EDNRB: variants seen among roughly 807,000 people sequenced by gnomAD.
EDNRB encodes Hirschsprung disease 2.
In EDNRB, 18 loss-of-function variants were observed where a neutral mutation model predicts 46.4. That is an observed-to-expected ratio of 0.39 (90% CI 0.27 to 0.57). The LOEUF (loss-of-function observed/expected upper bound fraction) is 0.57. Among genes scored for constraint, EDNRB ranks in the 20% least tolerant of loss-of-function variants. The pLI is 0.61. For missense variants in EDNRB, 434 were observed against 537.5 expected (o/e 0.81, Z 1.90); for synonymous variants, 213 against 204.9 (o/e 1.04, Z -0.34).
At chr13:77,919,780 T>C, upstream of EDNRB, 1 of 643,432 alleles carries the variant, frequency 1.6e-6, no homozygotes, top group Non-Finnish European at 2.6e-6. Flanking sequence ...TTTGTTAGAG[T>C]TCTACGCTCT....
Position 77,896,714 on chromosome 13 carries a change from A to C in EDNRB, c.*1486T>G. Reference sequence around the variant, plus strand: ...TTTGCATTGATGTGACGAGGCAATGACGAACGTTAGGCTAAGAATGGGAAT... The same window carrying C: ...TTTGCATTGATGTGACGAGGCAATGCCGAACGTTAGGCTAAGAATGGGAAT... On this transcript the variant is annotated 3_prime_UTR_variant, in exon 7 of 7. Coordinates refer to ENST00000646607, the MANE Select transcript of EDNRB (RefSeq NM_001122659.3). 1 of 1,408,708 alleles carries C rather than the reference A, an allele frequency of 7.1e-7. No homozygotes were observed. Among genetic ancestry groups the C allele is most frequent in the Non-Finnish European group, 9.2e-7 (1 of 1,086,766 alleles). 87.3% of individuals were successfully genotyped at this position (1,408,708 alleles called of 1,614,324 possible). A position where few individuals can be genotyped will look rare whatever the true frequency, so the allele number is the denominator to read the frequency against.
At chr13:77,967,293 A>G (rs1180178956) in intron 1 of EDNRB, among the ~76,000 whole-genome samples, 4 of 152,174 alleles carry the variant, frequency 2.6e-5, no homozygotes, top group Non-Finnish European at 5.9e-5. Flanking sequence ...CTAAATAAAC[A>G]TCTTTTGCAG....
intron 1 of EDNRB, among the ~76,000 whole-genome samples, chr13:77,972,452 C>T (rs912138667): frequency 2.6e-5 from 4 of 152,230 alleles, no homozygotes; most frequent in East Asian, 1.9e-4. Context: ...AAAAACCAGT[C>T]GGGGCAGTTC....
In EDNRB at chr13:77,896,815, C is replaced by T; in HGVS notation, c.*1385G>A. On this transcript the variant is annotated 3_prime_UTR_variant, in exon 7 of 7. Transcript: ENST00000646607. ...TTTCTCTTGTACATACTTTCACACACATCTCATCCCAAGCTATCCTAAGGC... is the reference window on the plus strand; with the variant it reads ...TTTCTCTTGTACATACTTTCACACATATCTCATCCCAAGCTATCCTAAGGC... 8.4e-7 allele frequency: 1 copy of T among 1,188,488 alleles called. No homozygotes were observed. The highest frequency in any genetic ancestry group is 1.0e-6 in the Non-Finnish European group (1 of 958,570). 73.6% of individuals were successfully genotyped at this position (1,188,488 alleles called of 1,614,324 possible).
At chr13:77,953,249 G>A (rs930914374) in intron 1 of EDNRB, among the ~76,000 whole-genome samples, 1 of 152,026 alleles carries the variant, frequency 6.6e-6, no homozygotes, top group Non-Finnish European at 1.5e-5. Flanking sequence ...CAAATGACCA[G>A]TTCCTGAGTA....
intron 1 of EDNRB, among the ~76,000 whole-genome samples, chr13:77,974,728 C>A (rs1881836003): frequency 1.3e-5 from 2 of 152,088 alleles, no homozygotes; most frequent in South Asian, 4.2e-4. Context: ...GGGAACTGGT[C>A]TGGGTGCCCT....
At chr13:77,955,072 T>C (rs549729611) in intron 1 of EDNRB, among the ~76,000 whole-genome samples, 1 of 152,340 alleles carries the variant, frequency 6.6e-6, no homozygotes, top group East Asian at 1.9e-4. Context: ...TGCACCATTT[T>C]ACATTCCCAC....
chr13:77,913,654 T>G (rs1879683196), intron 1 of EDNRB, among the ~76,000 whole-genome samples: 2 of 152,166 alleles, frequency 1.3e-5, no homozygotes, highest in African/African-American at 4.8e-5. Context: ...GCTCAAGAAT[T>G]TTTAACTTCT....
intron 1 of EDNRB, among the ~76,000 whole-genome samples, chr13:77,955,607 C>A (rs1594395423): frequency 6.6e-6 from 1 of 152,064 alleles, no homozygotes; most frequent in African/African-American, 2.4e-5. Context: ...TTTATGGCTT[C>A]ATGTTTTACA....
In EDNRB at chr13:77,918,224, A is replaced by G; in HGVS notation, c.350T>C (p.Ile117Thr). The change falls in exon 1 of 7, where the codon ATC becomes ACC. Residue 117 changes from isoleucine (I) to threonine (T), a missense_variant. Physicochemically the swap from Ile to Thr is moderately conservative, Grantham distance 89 (BLOSUM62 -1). Coordinates refer to ENST00000646607, the MANE Select transcript of EDNRB (RefSeq NM_001122659.3). This position sits in a 1 kb window ranked among gnomAD's most constrained non-coding sequence, Gnocchi z 4.5. Reference protein sequence around the residue: ...VSCLVFVLGIIGNSTLLRIIY... With the variant: ...VSCLVFVLGITGNSTLLRIIY... The stretch of plus-strand genomic sequence containing the variant: ...AATTCTCAGAAGTGTGGAGTTCCCG[A>G]TGATCCCCAGCACGAACACAAGGCA... 1 of 1,614,076 alleles carries G rather than the reference A, an allele frequency of 6.2e-7. No individual in the cohort carries two copies. The highest frequency in any genetic ancestry group is 8.5e-7 in the Non-Finnish European group (1 of 1,180,002).
At chr13:77,941,711 A>G (rs9600953) in intron 1 of EDNRB, among the ~76,000 whole-genome samples, 15 of 152,280 alleles carry the variant, frequency 9.9e-5, no homozygotes, top group Middle Eastern at 3.4e-3. Context: ...GAAGTTTTCT[A>G]AGTTGGACAG....
At chr13:77,913,840 G>A (rs1215570511) in intron 1 of EDNRB, among the ~76,000 whole-genome samples, 1 of 152,060 alleles carries the variant, frequency 6.6e-6, no homozygotes, top group Non-Finnish European at 1.5e-5. Flanking sequence ...TGGAACACCA[G>A]GCTCTCATGT....
chr13:77,927,203 G>A (rs1431363116), intron 1 of EDNRB, among the ~76,000 whole-genome samples: 3 of 152,240 alleles, frequency 2.0e-5, no homozygotes, highest in South Asian at 2.1e-4. Context: ...CATAGTAGAC[G>A]CCTGAGATTC....
intron 3 of EDNRB, 130 bp from the exon 4 acceptor site, chr13:77,901,337 T>C: frequency 1.0e-6 from 1 of 986,484 alleles, no homozygotes; most frequent in South Asian, 1.5e-5. Context: ...GTATATATCA[T>C]ACAGAATCTT....
chr13:77,924,773 G>A (rs1291400056), intron 1 of EDNRB, among the ~76,000 whole-genome samples: 2 of 152,060 alleles, frequency 1.3e-5, no homozygotes, highest in African/African-American at 2.4e-5. Context: ...TTGAATTATG[G>A]GGGCAGGTCT....
intron 1 of EDNRB, among the ~76,000 whole-genome samples, chr13:77,907,646 T>G (rs1415044590): frequency 6.6e-6 from 1 of 152,000 alleles, no homozygotes. Context: ...AATATTTTAT[T>G]CTGTCTTAAA....
chr13:77,923,726 A>C (rs1670666746), upstream of EDNRB, among the ~76,000 whole-genome samples: 1 of 152,168 alleles, frequency 6.6e-6, no homozygotes, highest in Non-Finnish European at 1.5e-5. Context: ...GAAAGCAAAA[A>C]GAAAGAGAAA....
rs995554604 is a variant in EDNRB at position 77,897,372 on chromosome 13, A to T, written c.*828T>A. 5.1e-6 allele frequency: 5 copies of T among 985,120 alleles called. No homozygotes were observed. The African/African-American group carries it at 8.7e-5, about 17-fold the overall frequency. 61.0% of individuals were successfully genotyped at this position (985,120 alleles called of 1,614,324 possible). A position where few individuals can be genotyped will look rare whatever the true frequency, so the allele number is the denominator to read the frequency against. ...ATTGTCTTCACAGGGTATGTGAATG[A>T]CAGATTCAAAAAAGTCTTTTGGGAT... On this transcript the variant is annotated 3_prime_UTR_variant, in exon 7 of 7. Coordinates refer to ENST00000646607, the MANE Select transcript of EDNRB (RefSeq NM_001122659.3).
chr13:77,942,256 T>C (rs1045293937), intron 1 of EDNRB, among the ~76,000 whole-genome samples: 1 of 152,266 alleles, frequency 6.6e-6, no homozygotes, highest in Non-Finnish European at 1.5e-5. Flanking sequence ...AGGAAAAAAC[T>C]TGAAAAATAA....
Sources: gnomAD v4.1 joint callset for allele counts (sites outside exome capture counted in the v4.1 genomes callset) on GRCh38, gnomAD v4.1.1 for gene constraint, Gnocchi (gnomAD v3.1) non-coding constraint, MANE v1.5 for transcripts, NCBI Gene and HGNC (gene_info 2026-07-23, HGNC 2026-07-21) for gene names.